Variants in HPSE2 observed in about 807,000 individuals in gnomAD.
The protein encoded by HPSE2 is inactive heparanase-2.
In HPSE2, 38 loss-of-function variants were observed where a neutral mutation model predicts 60.5. The ratio of observed to expected loss-of-function variants is 0.63; its 90% CI spans 0.48 to 0.82. HPSE2 has a LOEUF of 0.82. Among genes scored for constraint, HPSE2 ranks in the 40% least tolerant of loss-of-function variants. The pLI, the probability that HPSE2 is intolerant of heterozygous loss-of-function variation, is 0.00. For missense variants in HPSE2, 713 were observed against 740.4 expected (o/e 0.96, Z 0.43); for synonymous variants, 295 against 293.2 (o/e 1.01, Z -0.06).
chr10:99,242,414 T>C, the HPSE2 span, among the ~76,000 whole-genome samples: 5 of 152,364 alleles, frequency 3.3e-5, no homozygotes, highest in Middle Eastern at 3.4e-3. Context: ...CATCAAGCAG[T>C]ACATTTATTT....
At chr10:99,066,706 G>T (rs551370918) in intron 3 of HPSE2, among the ~76,000 whole-genome samples, 40 of 152,156 alleles carry the variant, frequency 2.6e-4, no homozygotes, top group African/African-American at 8.9e-4. Context: ...CTTGACACAC[G>T]GGGATTATCA....
intron 2 of HPSE2, among the ~76,000 whole-genome samples, chr10:99,171,305 C>T (rs1033947785): frequency 1.3e-5 from 2 of 152,140 alleles, no homozygotes; most frequent in African/African-American, 2.4e-5. Flanking sequence ...TAGAATATCG[C>T]ACTACATTAA....
At chr10:98,502,678 T>C (rs111998544) in intron 9 of HPSE2, among the ~76,000 whole-genome samples, 1,947 of 152,122 alleles carry the variant, frequency 0.013, 39 homozygotes, top group African/African-American at 0.042. Flanking sequence ...GCAAATGCAA[T>C]AAAAACAAAG....
At chr10:98,587,356 C>A (rs971779480) in intron 9 of HPSE2, among the ~76,000 whole-genome samples, 2 of 152,308 alleles carry the variant, frequency 1.3e-5, no homozygotes, top group Middle Eastern at 6.8e-3. Context: ...GGAAAAAAAT[C>A]TGCAAATTTA....
intron 3 of HPSE2, among the ~76,000 whole-genome samples, chr10:98,893,653 C>T (rs1456907899): frequency 6.6e-6 from 1 of 151,986 alleles, no homozygotes; most frequent in East Asian, 1.9e-4. Context: ...TTGTAAAATG[C>T]ATTAGTGAGC....
intron 3 of HPSE2, among the ~76,000 whole-genome samples, chr10:98,771,350 A>C (rs977146454): frequency 2.6e-5 from 4 of 152,180 alleles, no homozygotes; most frequent in Non-Finnish European, 5.9e-5. Flanking sequence ...GATGGATTTC[A>C]GCTCCAAATA....
chr10:98,988,264 C>G (rs1956423376), intron 3 of HPSE2, among the ~76,000 whole-genome samples: 1 of 152,290 alleles, frequency 6.6e-6, no homozygotes. Context: ...GCTACAGTAA[C>G]CAAAACAGCA....
chr10:98,624,744 T>A (rs1343521620), intron 7 of HPSE2, among the ~76,000 whole-genome samples: 1 of 152,230 alleles, frequency 6.6e-6, no homozygotes, highest in African/African-American at 2.4e-5. Flanking sequence ...TAAGCTGGAA[T>A]AATACCTGAT....
chr10:99,191,993 T>C (rs1476096543), intron 2 of HPSE2, among the ~76,000 whole-genome samples: 1 of 152,188 alleles, frequency 6.6e-6, no homozygotes, highest in Non-Finnish European at 1.5e-5. Flanking sequence ...CCTTTAATTA[T>C]AGAATTAATC....
At chr10:98,618,738 G>A (rs556191260) in intron 8 of HPSE2, among the ~76,000 whole-genome samples, 10 of 152,202 alleles carry the variant, frequency 6.6e-5, no homozygotes, top group Non-Finnish European at 1.3e-4. Context: ...CACCATGCCC[G>A]GCTAAGTTTT....
intron 3 of HPSE2, among the ~76,000 whole-genome samples, chr10:99,079,082 T>C (rs909874755): frequency 2.0e-5 from 3 of 152,110 alleles, no homozygotes; most frequent in Non-Finnish European, 4.4e-5. Context: ...TTGTTCCGTA[T>C]TGAGTCATGG....
In HPSE2 at chr10:98,863,270, C is replaced by T. The variant is rs142223904; in HGVS notation, c.611-119214G>A. 7.8e-4 allele frequency among the ~76,000 whole-genome samples: 119 copies of T among 151,982 alleles called. 1 individual carries two copies. In the East Asian group the frequency reaches 0.019, roughly 25 times the overall value. ...TAGAATCTAGGGAATTCCAATGTGC[C>T]AAATAACTGACATTATTTCTGAGAG... On this transcript the variant is annotated intron_variant, in intron 3 of 11. Transcript: ENST00000370552.
At chr10:98,623,674 A>T (rs958900105) in intron 7 of HPSE2, among the ~76,000 whole-genome samples, 1 of 152,228 alleles carries the variant, frequency 6.6e-6, no homozygotes, top group Non-Finnish European at 1.5e-5. Flanking sequence ...CAATATCTTC[A>T]TCCACATTTA....
the HPSE2 span, among the ~76,000 whole-genome samples, chr10:99,261,851 C>T: frequency 6.6e-6 from 1 of 152,218 alleles, no homozygotes; most frequent in African/African-American, 2.4e-5. Flanking sequence ...CCTCCTCCCC[C>T]AGGATCTTGC....
chr10:98,700,181 A>G (rs1458374445), intron 5 of HPSE2, among the ~76,000 whole-genome samples: 3 of 151,406 alleles, frequency 2.0e-5, no homozygotes, highest in East Asian at 1.9e-4. Flanking sequence ...AGCCTGCATC[A>G]CCAAGTCAAT....
intron 2 of HPSE2, among the ~76,000 whole-genome samples, chr10:99,186,542 CAAAAAAAAAAAAAAAAAAAAAA>C (rs60186369): frequency 1.7e-5 from 1 of 59,456 alleles, no homozygotes; most frequent in Non-Finnish European, 2.7e-5. Flanking sequence ...GACTCCATCT[CAAAAAAAAAAAAAAAAAAAAAA>C]AAAAAAAAAG....
intron 3 of HPSE2, among the ~76,000 whole-genome samples, chr10:98,998,103 A>G (rs1956690928): frequency 1.3e-5 from 2 of 152,286 alleles, no homozygotes; most frequent in South Asian, 2.1e-4. Context: ...ACTACACTAC[A>G]TACAAGTTTA....
chr10:98,818,684 C>T (rs1951348589), intron 3 of HPSE2, among the ~76,000 whole-genome samples: 2 of 152,164 alleles, frequency 1.3e-5, no homozygotes, highest in Non-Finnish European at 2.9e-5. Flanking sequence ...TAGATTAAAA[C>T]AAGATCCAGG....
rs183114705 is a variant in HPSE2, at chr10:98,750,140, A to G, written c.611-6084T>C. On this transcript the variant is annotated intron_variant, in intron 3 of 11. Coordinates refer to ENST00000370552, the MANE Select transcript of HPSE2 (RefSeq NM_021828.5). ...AAGGTGTCATTTGATCAGAGACCCA[A>G]TGGAAAGAAGGGAGCAAGTCAAGTA... Among the ~76,000 whole-genome samples, 605 of 152,076 alleles carry G rather than the reference A, an allele frequency of 4.0e-3. 3 individuals carry two copies. Among genetic ancestry groups the G allele is most frequent in the African/African-American group, 0.013 (530 of 41,488 alleles).
Sources: allele counts gnomAD v4.1 joint callset (sites outside exome capture counted in the v4.1 genomes callset), GRCh38; gene constraint gnomAD v4.1.1; transcripts MANE v1.5; gene names NCBI Gene and HGNC (gene_info 2026-07-23, HGNC 2026-07-21).